EIF3J: variants seen among roughly 807,000 people sequenced by gnomAD.
EIF3J encodes eukaryotic translation initiation factor 3, subunit 1 (alpha, 35kD).
In EIF3J, 15 loss-of-function variants were observed where a neutral mutation model predicts 39.0. The observed-to-expected ratio is 0.38, with a 90% CI of 0.26 to 0.59. The LOEUF (loss-of-function observed/expected upper bound fraction) is 0.59. Among genes scored for constraint, EIF3J ranks in the 20% least tolerant of loss-of-function variants. The probability of loss-of-function intolerance (pLI) is 0.60; values close to 1 mark genes in which losing one functional copy is unlikely to be tolerated. For synonymous variants in EIF3J, 98 were observed against 112.9 expected, an observed-to-expected ratio of 0.87 and a Z score of 0.84; for missense variants, 226 against 308.6, an observed-to-expected ratio of 0.73 and a Z score of 2.00.
At chr15:44,544,148 C>T (rs1237159759) in intron 2 of EIF3J, among the ~76,000 whole-genome samples, 3 of 141,272 alleles carry the variant, frequency 2.1e-5, no homozygotes, top group South Asian at 2.2e-4. Flanking sequence ...GGCTGGAGTG[C>T]AGTGGCGTGA....
intron 3 of EIF3J, 68 bp downstream of exon 3, chr15:44,550,998 CAAATG>C: frequency 3.2e-6 from 5 of 1,542,178 alleles, no homozygotes; most frequent in Non-Finnish European, 4.4e-6. Context: ...TGTATTAAGA[CAAATG>C]ACAGAACGCT....
intron 2 of EIF3J, among the ~76,000 whole-genome samples, chr15:44,538,763 C>T (rs887794999): frequency 6.6e-6 from 1 of 152,162 alleles, no homozygotes; most frequent in African/African-American, 2.4e-5. Flanking sequence ...TATTAGTTAC[C>T]CCTCTACATT....
intron 6 of EIF3J, 96 bp from the exon 7 acceptor site, chr15:44,560,153 G>C: frequency 1.1e-6 from 1 of 898,142 alleles, no homozygotes; most frequent in Admixed American, 2.9e-5. Context: ...TGTACATTTT[G>C]GGATATATAG....
chr15:44,551,898 C>T lies in EIF3J; in HGVS notation c.294+376C>T, dbSNP rs567624064. On this transcript the variant is annotated intron_variant, in intron 4 of 7. Coordinates refer to ENST00000261868, the MANE Select transcript of EIF3J (RefSeq NM_003758.4). ...AGGCTGGAGTACAGTGGCACAATCTCGGCTCAGTGCAACCTCTGCCTCCCG... is the reference window on the plus strand; with the variant it reads ...AGGCTGGAGTACAGTGGCACAATCTTGGCTCAGTGCAACCTCTGCCTCCCG... Among the ~76,000 whole-genome samples, 8 of 151,388 alleles carry T rather than the reference C, an allele frequency of 5.3e-5. No homozygotes were observed. The South Asian group carries it at 8.3e-4, about 16-fold the overall frequency.
intron 6 of EIF3J, 144 bp from the exon 7 acceptor site, chr15:44,560,105 A>G (rs1294310563): frequency 4.5e-6 from 3 of 667,458 alleles, no homozygotes; most frequent in Non-Finnish European, 7.3e-6. Flanking sequence ...CTGAAGTTTA[A>G]CAATGAACAA....
At position 44,551,541 on chromosome 15, in the gene EIF3J, A is replaced by G. The variant is rs763417496; in HGVS notation, c.294+19A>G. On this transcript the variant is annotated intron_variant, in intron 4 of 7. Transcript: ENST00000261868. ...AAAGAGGGTAAATTCTGTTTTCTAA[A>G]ATACAGAATTCTCACATCGGTAGTG... The G allele has an allele frequency of 3.2e-6, 5 of 1,548,640 alleles. No homozygotes were observed. In the Admixed American group the frequency reaches 1.0e-4, roughly 31 times the overall value.
intron 3 of EIF3J, 63 bp downstream of exon 3, chr15:44,550,993 TAAGAC>T: frequency 6.4e-7 from 1 of 1,555,168 alleles, no homozygotes; most frequent in Non-Finnish European, 8.7e-7. Context: ...TGACTTGTAT[TAAGAC>T]AAATGACAGA....
intron 2 of EIF3J, 99 bp downstream of exon 2, chr15:44,537,526 G>A: frequency 2.4e-6 from 3 of 1,274,686 alleles, no homozygotes; most frequent in Non-Finnish European, 3.1e-6. Context: ...GCGGGCCGTG[G>A]GTCCAGGCGC....
chr15:44,539,622 A>T lies in EIF3J; in HGVS notation c.147+2195A>T, dbSNP rs572939317. 7.9e-5 allele frequency among the ~76,000 whole-genome samples: 12 copies of T among 151,558 alleles called. No homozygotes were observed. In the South Asian group the frequency reaches 1.7e-3, roughly 21 times the overall value. On this transcript the variant is annotated intron_variant, in intron 2 of 7. Transcript: ENST00000261868. Reference sequence around the variant, plus strand: ...TCACCGTGTTAGCCAGGATGGTCTCAATCTCCTGACCTTGTGATCTGCCCG... The same window carrying T: ...TCACCGTGTTAGCCAGGATGGTCTCTATCTCCTGACCTTGTGATCTGCCCG...
chr15:44,553,329 A>G (rs1275190940), intron 4 of EIF3J, among the ~76,000 whole-genome samples: 3 of 151,878 alleles, frequency 2.0e-5, no homozygotes, highest in Non-Finnish European at 2.9e-5. Context: ...CGTCTCTACT[A>G]AAAAATAGAA....
In EIF3J at chr15:44,562,521, A is replaced by G. The variant is rs2082212790; in HGVS notation, c.*1372A>G. On this transcript the variant is annotated 3_prime_UTR_variant, in exon 8 of 8. Transcript: ENST00000261868. ...TTAAATTTCTCTTATATAGGAAATA[A>G]TAGGAACGTCAAAGCTCTGTATACC... 6.5e-6 allele frequency: 1 copy of G among 152,702 alleles called. No homozygotes were observed. Among genetic ancestry groups the G allele is most frequent in the Non-Finnish European group, 1.5e-5 (1 of 68,094 alleles). 9.5% of individuals were successfully genotyped at this position (152,702 alleles called of 1,614,324 possible).
chr15:44,553,446 C>G (rs1191982653), intron 4 of EIF3J, among the ~76,000 whole-genome samples: 1 of 150,992 alleles, frequency 6.6e-6, no homozygotes, highest in Admixed American at 6.6e-5. Flanking sequence ...GAGCGGAGAT[C>G]GCACCACTGC....
Position 44,557,367 on chromosome 15 carries a change from G to A in EIF3J, c.410-122G>A, listed in dbSNP as rs2082153668. On this transcript the variant is annotated intron_variant, in intron 5 of 7. Coordinates refer to ENST00000261868, the MANE Select transcript of EIF3J (RefSeq NM_003758.4). ...TATCCAGTGACTCCAGTGGCTCCAG[G>A]TTCAGAGCCCCTGCTTTAGAATGAA... is the stretch of plus-strand genomic sequence containing the variant. The A allele has an allele frequency of 9.0e-6, 6 of 667,168 alleles. No homozygotes were observed. In the South Asian group the frequency reaches 2.6e-4, roughly 28 times the overall value. The allele number at this position is 667,168 out of a possible 1,614,324, so 41.3% of individuals were successfully genotyped here.
chr15:44,557,460 T>C (rs769025705), intron 5 of EIF3J, 29 bp from the exon 6 acceptor site: 2 of 1,480,008 alleles, frequency 1.4e-6, no homozygotes, highest in South Asian at 2.9e-5. Flanking sequence ...AACCTCCTGA[T>C]ACTTTTCAGT....
At chr15:44,550,966 G>A (rs367949712) in intron 3 of EIF3J, 36 bp downstream of exon 3, 4 of 1,593,024 alleles carry the variant, frequency 2.5e-6, no homozygotes, top group Non-Finnish European at 3.4e-6. Context: ...TTGTTTTTAT[G>A]TCTTGCTGAG....
intron 2 of EIF3J, among the ~76,000 whole-genome samples, chr15:44,542,275 G>A (rs1009848075): frequency 6.6e-6 from 1 of 152,086 alleles, no homozygotes; most frequent in Non-Finnish European, 1.5e-5. Context: ...CCAAGATCTC[G>A]TTGCACAGTT....
At chr15:44,538,343 C>T (rs2081978575) in intron 2 of EIF3J, among the ~76,000 whole-genome samples, 1 of 150,396 alleles carries the variant, frequency 6.6e-6, no homozygotes, top group South Asian at 2.1e-4. Flanking sequence ...AATGTTAAGA[C>T]TCTTATTAAC....
At chr15:44,537,841 T>C (rs942370207) in intron 2 of EIF3J, among the ~76,000 whole-genome samples, 7 of 152,230 alleles carry the variant, frequency 4.6e-5, no homozygotes, top group African/African-American at 1.7e-4. Flanking sequence ...CCAGGGCCAG[T>C]AACTCATTTA....
At chr15:44,559,484 G>A (rs2082173208) in intron 6 of EIF3J, among the ~76,000 whole-genome samples, 1 of 151,632 alleles carries the variant, frequency 6.6e-6, no homozygotes, top group Non-Finnish European at 1.5e-5. Flanking sequence ...GCCGAGGCAG[G>A]CGGATCACGT....
Sources: gnomAD v4.1 joint callset for allele counts (sites outside exome capture counted in the v4.1 genomes callset) on GRCh38, gnomAD v4.1.1 for gene constraint, MANE v1.5 for transcripts, NCBI Gene and HGNC (gene_info 2026-07-23, HGNC 2026-07-21) for gene names.